Variants in ZNF618 observed in about 807,000 individuals in gnomAD.
The protein encoded by ZNF618 is neural precursor cell expressed, developmentally down-regulated 10.
In ZNF618, 34 loss-of-function variants were observed where a neutral mutation model predicts 103.0. The ratio of observed to expected loss-of-function variants is 0.33; its 90% CI spans 0.25 to 0.44. The LOEUF (loss-of-function observed/expected upper bound fraction) is 0.44. ZNF618 is among the 20% of genes least tolerant of loss of function. The pLI, the probability that ZNF618 is intolerant of heterozygous loss-of-function variation, is 1.00. For missense variants in ZNF618, 1,059 were observed against 1,295.4 expected, an observed-to-expected ratio of 0.82 and a Z score of 2.80; for synonymous variants, 551 against 542.2, an observed-to-expected ratio of 1.02 and a Z score of -0.23.
chr9:113,973,322 G>A (rs1838173996), intron 2 of ZNF618, among the ~76,000 whole-genome samples: 1 of 152,160 alleles, frequency 6.6e-6, no homozygotes. Flanking sequence ...CCCCAGCTAT[G>A]CTATGGCACA....
At chr9:113,995,537 A>G (rs1479808948) in intron 3 of ZNF618, among the ~76,000 whole-genome samples, 1 of 152,218 alleles carries the variant, frequency 6.6e-6, no homozygotes, top group Admixed American at 6.5e-5. Context: ...GTGCTTAGAA[A>G]GCTCAGTCAC....
chr9:113,895,449 G>T (rs1829957550), intron 1 of ZNF618, among the ~76,000 whole-genome samples: 2 of 151,944 alleles, frequency 1.3e-5, no homozygotes, highest in African/African-American at 4.8e-5. Flanking sequence ...ATGCATCCTG[G>T]GTCCAATTTG....
chr9:113,942,038 C>A (rs755435424), intron 1 of ZNF618, among the ~76,000 whole-genome samples: 1 of 152,112 alleles, frequency 6.6e-6, no homozygotes, highest in African/African-American at 2.4e-5. Flanking sequence ...TAGGACACAA[C>A]GGACAAAACA....
At chr9:114,007,232 C>T (rs1460029670) in intron 6 of ZNF618, 118 bp from the exon 7 acceptor site, 2 of 777,732 alleles carry the variant, frequency 2.6e-6, no homozygotes, top group African/African-American at 1.7e-5. Flanking sequence ...TGCTTCCTCC[C>T]TCCGCTAGCC....
chr9:113,924,383 A>T (rs1427827316), intron 1 of ZNF618, among the ~76,000 whole-genome samples: 1 of 142,410 alleles, frequency 7.0e-6, no homozygotes, highest in Admixed American at 7.0e-5. Context: ...TCGATTTCTG[A>T]TGTTAGTAAT....
intron 4 of ZNF618, among the ~76,000 whole-genome samples, chr9:113,999,585 C>T (rs563368788): frequency 6.6e-5 from 10 of 152,308 alleles, no homozygotes; most frequent in African/African-American, 2.2e-4. Context: ...TGCATGTGCC[C>T]ACAGCTCTCC....
chr9:113,988,191 G>T (rs1028880510), intron 2 of ZNF618, 130 bp from the exon 3 acceptor site: 2 of 1,267,828 alleles, frequency 1.6e-6, no homozygotes, highest in African/African-American at 1.5e-5. Context: ...TGTGTGGGAG[G>T]CTAAGGGGGC....
At chr9:114,007,469 A>T in intron 7 of ZNF618, 30 bp downstream of exon 7, 3 of 1,605,218 alleles carry the variant, frequency 1.9e-6, no homozygotes, top group Non-Finnish European at 2.6e-6. Flanking sequence ...CCCTGGAGTC[A>T]TGCCAAGAGG....
chr9:113,955,980 C>T (rs1488345924), intron 1 of ZNF618, among the ~76,000 whole-genome samples: 4 of 151,840 alleles, frequency 2.6e-5, no homozygotes, highest in African/African-American at 4.8e-5. Context: ...GAGGCCGAAG[C>T]GGGTGGATCA....
At chr9:113,953,423 A>G (rs547192984) in intron 1 of ZNF618, among the ~76,000 whole-genome samples, 1 of 152,364 alleles carries the variant, frequency 6.6e-6, no homozygotes, top group South Asian at 2.1e-4. Flanking sequence ...AATAATGGAA[A>G]GCGAAGCAGG....
chr9:113,936,441 A>T (rs1834036108), intron 1 of ZNF618, among the ~76,000 whole-genome samples: 1 of 152,276 alleles, frequency 6.6e-6, no homozygotes, highest in Non-Finnish European at 1.5e-5. Context: ...AATCTTCTAG[A>T]ATTTTCTAGA....
intron 1 of ZNF618, among the ~76,000 whole-genome samples, chr9:113,953,539 T>C (rs917800663): frequency 1.1e-4 from 16 of 152,220 alleles, no homozygotes; most frequent in Non-Finnish European, 1.6e-4. Flanking sequence ...TGTAAAGTTA[T>C]ATATAGAGAG....
At chr9:114,022,833 C>T (rs1459356376) in intron 10 of ZNF618, among the ~76,000 whole-genome samples, 3 of 151,978 alleles carry the variant, frequency 2.0e-5, no homozygotes, top group African/African-American at 7.2e-5. Context: ...ATTAGGTACA[C>T]ACAGTTAGCA....
intron 3 of ZNF618, among the ~76,000 whole-genome samples, chr9:113,996,405 T>C (rs187299582): frequency 1.5e-4 from 23 of 152,356 alleles, no homozygotes; most frequent in Admixed American, 6.5e-4. Context: ...TTGTGTATTG[T>C]GAAAGGTGCC....
chr9:114,051,485 C>T lies in ZNF618; in HGVS notation c.*1318C>T, dbSNP rs1467231596. 1 of 153,142 alleles carries T rather than the reference C, an allele frequency of 6.5e-6. No individual in the cohort carries two copies. 9.5% of individuals were successfully genotyped at this position (153,142 alleles called of 1,614,324 possible). A position where few individuals can be genotyped will look rare whatever the true frequency, so the allele number is the denominator to read the frequency against. On this transcript the variant is annotated 3_prime_UTR_variant, in exon 15 of 15. Transcript: ENST00000374126. ...CAGTGTGCATCACACTACTCACCCCCTCCCGGACCCTGGCAGTCCACAGCG... is the reference window on the plus strand; with the variant it reads ...CAGTGTGCATCACACTACTCACCCCTTCCCGGACCCTGGCAGTCCACAGCG...
intron 1 of ZNF618, among the ~76,000 whole-genome samples, chr9:113,917,122 C>T (rs563130537): frequency 6.6e-6 from 1 of 152,248 alleles, no homozygotes; most frequent in South Asian, 2.1e-4. Flanking sequence ...GACATTGCAG[C>T]CTCAGGGCCT....
intron 10 of ZNF618, among the ~76,000 whole-genome samples, chr9:114,021,348 A>C (rs1843052028): frequency 6.6e-6 from 1 of 152,086 alleles, no homozygotes; most frequent in African/African-American, 2.4e-5. Context: ...TTAACGATCC[A>C]AGGTTAGTTT....
chr9:114,048,052 C>T, intron 14 of ZNF618, 58 bp downstream of exon 14: 1 of 1,392,012 alleles, frequency 7.2e-7, no homozygotes, highest in Non-Finnish European at 9.9e-7. Flanking sequence ...AGTTGTTCCT[C>T]TCTGCCCCCC....
intron 7 of ZNF618, among the ~76,000 whole-genome samples, chr9:114,007,968 C>T (rs1471594055): frequency 1.3e-5 from 2 of 152,204 alleles, no homozygotes; most frequent in Non-Finnish European, 2.9e-5. Flanking sequence ...CCTGTTACCA[C>T]TGGCCCATCT....
Sources: gnomAD v4.1 joint callset for allele counts (sites outside exome capture counted in the v4.1 genomes callset) on GRCh38, gnomAD v4.1.1 for gene constraint, MANE v1.5 for transcripts, NCBI Gene and HGNC (gene_info 2026-07-23, HGNC 2026-07-21) for gene names.